Variants in GRM3 observed in about 807,000 individuals in gnomAD.
The protein encoded by GRM3 is metabotropic glutamate receptor 3.
Under a neutral mutation model 70.5 loss-of-function variants are expected in GRM3, and 26 were observed. That is an observed-to-expected ratio of 0.37 (90% CI 0.27 to 0.51). GRM3 has a LOEUF of 0.51. GRM3 is among the 20% of genes least tolerant of loss of function. The pLI, the probability that GRM3 is intolerant of heterozygous loss-of-function variation, is 0.93. For synonymous variants in GRM3, 443 were observed against 434.9 expected, an observed-to-expected ratio of 1.02 and a Z score of -0.23; for missense variants, 859 against 1,123.8, an observed-to-expected ratio of 0.76 and a Z score of 3.37.
intron 1 of GRM3, among the ~76,000 whole-genome samples, chr7:86,663,397 G>C (rs1793947981): frequency 6.6e-6 from 1 of 151,936 alleles, no homozygotes; most frequent in African/African-American, 2.4e-5. Flanking sequence ...AATCTGAGGT[G>C]ATCAATGTGT....
At chr7:86,822,227 C>T (rs1201782674) in intron 3 of GRM3, among the ~76,000 whole-genome samples, 1 of 151,966 alleles carries the variant, frequency 6.6e-6, no homozygotes, top group African/African-American at 2.4e-5. Flanking sequence ...ATGAATTTCA[C>T]TTATAGCTCC....
intron 1 of GRM3, among the ~76,000 whole-genome samples, chr7:86,688,887 G>A (rs1006980887): frequency 4.7e-5 from 7 of 148,424 alleles, no homozygotes; most frequent in African/African-American, 1.7e-4. Flanking sequence ...AGTCTTAGAT[G>A]TTCACAAAGG....
At chr7:86,791,468 A>G (rs891107720) in intron 3 of GRM3, among the ~76,000 whole-genome samples, 2 of 152,164 alleles carry the variant, frequency 1.3e-5, no homozygotes, top group Non-Finnish European at 2.9e-5. Flanking sequence ...GCTGGAAGAG[A>G]CCCATCACTG....
chr7:86,784,296 G>A (rs907762659), intron 2 of GRM3: 5 of 151,860 alleles, frequency 3.3e-5, no homozygotes, highest in African/African-American at 4.8e-5. Flanking sequence ...GTTTCACTGT[G>A]ATTCTTCGCT....
intron 1 of GRM3, among the ~76,000 whole-genome samples, chr7:86,711,559 A>T (rs1795200492): frequency 6.6e-6 from 1 of 152,056 alleles, no homozygotes; most frequent in Non-Finnish European, 1.5e-5. Flanking sequence ...ATTCGTGATC[A>T]TTGATATCTT....
intron 1 of GRM3, among the ~76,000 whole-genome samples, chr7:86,718,406 T>A (rs1325179884): frequency 6.6e-6 from 1 of 151,992 alleles, no homozygotes; most frequent in African/African-American, 2.4e-5. Context: ...ATGTTGTGTG[T>A]GTATGTGTGT....
In GRM3 at chr7:86,693,468, A is replaced by G. The variant is rs139245774; in HGVS notation, c.-141+48596A>G. Among the ~76,000 whole-genome samples the G allele has an allele frequency of 4.5e-3, 681 of 152,294 alleles. 3 individuals carry two copies. The highest frequency in any genetic ancestry group is 0.014 in the Middle Eastern group (4 of 294). ...CTAAAGATTGCAGAAACAAAGACACATGGACCAGGATTCAATAGAAGAACT... is the reference window on the plus strand; with the variant it reads ...CTAAAGATTGCAGAAACAAAGACACGTGGACCAGGATTCAATAGAAGAACT... On this transcript the variant is annotated intron_variant, in intron 1 of 5. Coordinates refer to ENST00000361669, the MANE Select transcript of GRM3 (RefSeq NM_000840.3).
At chr7:86,714,360 T>C (rs1186849172) in intron 1 of GRM3, among the ~76,000 whole-genome samples, 1 of 151,972 alleles carries the variant, frequency 6.6e-6, no homozygotes, top group Non-Finnish European at 1.5e-5. Context: ...CAAGCTCAAA[T>C]AATAGTAATA....
intron 3 of GRM3, among the ~76,000 whole-genome samples, chr7:86,797,622 C>G (rs1253832715): frequency 6.6e-6 from 1 of 152,088 alleles, no homozygotes. Flanking sequence ...AAATTTGCAG[C>G]CTGACAATGC....
chr7:86,734,666 TACAC>T (rs1394571231), intron 1 of GRM3, among the ~76,000 whole-genome samples: 1 of 152,160 alleles, frequency 6.6e-6, no homozygotes, highest in Non-Finnish European at 1.5e-5. Flanking sequence ...CAGACAAACA[TACAC>T]ACAGACAGAT....
chr7:86,723,829 T>C (rs562403299), intron 1 of GRM3, among the ~76,000 whole-genome samples: 29 of 152,246 alleles, frequency 1.9e-4, no homozygotes, highest in African/African-American at 5.3e-4. Context: ...ATATGAATCA[T>C]AGGAGGCATA....
intron 2 of GRM3, among the ~76,000 whole-genome samples, chr7:86,781,194 A>G (rs926693839): frequency 2.0e-5 from 3 of 152,156 alleles, no homozygotes; most frequent in African/African-American, 7.2e-5. Flanking sequence ...GCACAAAAAT[A>G]TTAGGACTAC....
intron 2 of GRM3, among the ~76,000 whole-genome samples, chr7:86,780,624 C>T (rs1797026155): frequency 6.6e-6 from 1 of 152,198 alleles, no homozygotes; most frequent in African/African-American, 2.4e-5. Context: ...GCCCTAGGAA[C>T]TAATGGGTTC....
At chr7:86,817,135 G>A (rs572078191) in intron 3 of GRM3, among the ~76,000 whole-genome samples, 7 of 151,998 alleles carry the variant, frequency 4.6e-5, no homozygotes, top group African/African-American at 1.7e-4. Context: ...TTGTCAAGGT[G>A]TAGATCAGAT....
intron 1 of GRM3, among the ~76,000 whole-genome samples, chr7:86,723,747 C>T (rs1795528281): frequency 6.6e-6 from 1 of 152,078 alleles, no homozygotes; most frequent in Non-Finnish European, 1.5e-5. Flanking sequence ...AAAGAGAACT[C>T]TGAGGACTTT....
chr7:86,653,252 A>T (rs1322893353), intron 1 of GRM3, among the ~76,000 whole-genome samples: 2 of 152,172 alleles, frequency 1.3e-5, no homozygotes, highest in Admixed American at 6.5e-5. Context: ...TGTAAACCTG[A>T]TCATCTCCCA....
intron 1 of GRM3, among the ~76,000 whole-genome samples, chr7:86,655,774 T>C (rs936344537): frequency 1.3e-5 from 2 of 151,842 alleles, no homozygotes; most frequent in South Asian, 4.2e-4. Context: ...AAAAAGTTCC[T>C]ACCTGACAAA....
intron 1 of GRM3, among the ~76,000 whole-genome samples, chr7:86,680,048 A>T (rs1794406075): frequency 6.6e-6 from 1 of 152,140 alleles, no homozygotes; most frequent in Admixed American, 6.6e-5. Context: ...CGTGCAGAAC[A>T]AGGAATGTAC....
At chr7:86,697,080 G>T (rs1365500330) in intron 1 of GRM3, among the ~76,000 whole-genome samples, 1 of 152,020 alleles carries the variant, frequency 6.6e-6, no homozygotes, top group South Asian at 2.1e-4. Context: ...TGTGTTAAAA[G>T]AAAATAAAGC....
Sources: gnomAD v4.1 joint callset for allele counts (sites outside exome capture counted in the v4.1 genomes callset) on GRCh38, gnomAD v4.1.1 for gene constraint, MANE v1.5 for transcripts, NCBI Gene and HGNC (gene_info 2026-07-23, HGNC 2026-07-21) for gene names.